WDR43: variants seen among roughly 807,000 people sequenced by gnomAD.
WDR43 encodes WD repeat-containing protein 43.
WDR43 carries 13 observed loss-of-function variants against 91.4 expected under a neutral mutation model. The observed-to-expected ratio is 0.14, with a 90% confidence interval of 0.09 to 0.23. WDR43 has a LOEUF of 0.23. Among genes scored for constraint, WDR43 ranks in the 10% least tolerant of loss-of-function variants. The pLI is 1.00. For missense variants in WDR43, 780 were observed against 809.4 expected (o/e 0.96, Z 0.44); for synonymous variants, 331 against 287.9 (o/e 1.15, Z -1.51).
intron 13 of WDR43, among the ~76,000 whole-genome samples, chr2:28,937,178 A>G (rs184366945): frequency 8.6e-4 from 131 of 152,332 alleles, no homozygotes; most frequent in Non-Finnish European, 1.4e-3. Context: ...GGTCATTTAA[A>G]TGATTAGTCT....
intron 6 of WDR43, among the ~76,000 whole-genome samples, chr2:28,918,611 C>T (rs774736476): frequency 3.3e-5 from 5 of 152,184 alleles, no homozygotes; most frequent in Admixed American, 6.5e-5. Context: ...TCAGGTGATC[C>T]GCCCACCTCA....
At chr2:28,901,877 C>CCCCCCTTTTA in intron 1 of WDR43, 110 bp from the exon 2 acceptor site, 1 of 1,074,352 alleles carries the variant, frequency 9.3e-7, no homozygotes, top group African/African-American at 1.6e-5. Context: ...CTTCTCTCTT[C>CCCCCCTTTTA]CCCCCTTTTA....
At chr2:28,944,526 A>G (rs986715633) in intron 16 of WDR43, among the ~76,000 whole-genome samples, 4 of 152,242 alleles carry the variant, frequency 2.6e-5, no homozygotes, top group African/African-American at 9.6e-5. Flanking sequence ...TGCAGCCTTT[A>G]TAATTAAGAA....
intron 3 of WDR43, among the ~76,000 whole-genome samples, chr2:28,910,421 C>T (rs910740074): frequency 6.6e-6 from 1 of 152,062 alleles, no homozygotes; most frequent in African/African-American, 2.4e-5. Context: ...AGGAAAAGTT[C>T]TCTCGTACAT....
At chr2:28,936,038 A>C (rs1671331980) in intron 12 of WDR43, among the ~76,000 whole-genome samples, 2 of 152,186 alleles carry the variant, frequency 1.3e-5, no homozygotes, top group African/African-American at 4.8e-5. Context: ...TGATTTTCTT[A>C]ATCACAGTTT....
At chr2:28,899,621 C>A (rs1020076378) in intron 1 of WDR43, among the ~76,000 whole-genome samples, 3 of 152,080 alleles carry the variant, frequency 2.0e-5, no homozygotes, top group Admixed American at 2.0e-4. Context: ...TTTTTTTGAT[C>A]ACAGGAATAA....
chr2:28,920,228 T>TTC (rs1553327671), intron 6 of WDR43, among the ~76,000 whole-genome samples: 3 of 106,494 alleles, frequency 2.8e-5, no homozygotes, highest in Non-Finnish European at 7.2e-5. Flanking sequence ...TTCTTTCTTT[T>TTC]TTTTTTTTTT....
At chr2:28,946,207 G>C (rs543774598) in intron 16 of WDR43, among the ~76,000 whole-genome samples, 2 of 151,954 alleles carry the variant, frequency 1.3e-5, no homozygotes, top group African/African-American at 4.8e-5. Context: ...TACTCAGGAG[G>C]CTGAGGCAGG....
intron 3 of WDR43, among the ~76,000 whole-genome samples, chr2:28,910,771 C>T (rs1670782322): frequency 6.6e-6 from 1 of 151,578 alleles, no homozygotes; most frequent in Non-Finnish European, 1.5e-5. Flanking sequence ...TGTCTCAGCT[C>T]ACTGTAAACT....
chr2:28,946,902 C>A lies in WDR43; in HGVS notation c.*123C>A, dbSNP rs1671553339. On this transcript the variant is annotated 3_prime_UTR_variant, in exon 18 of 18. Transcript: ENST00000407426. ...ATTTCCAAATTCACAGCAGTGGATC[C>A]CATGCCACTTTGCTGTCCTGAGCAC... 2.6e-6 allele frequency: 3 copies of A among 1,160,126 alleles called. No homozygotes were observed. The highest frequency in any genetic ancestry group is 3.1e-5 in the African/African-American group (2 of 64,324). 71.9% of individuals were successfully genotyped at this position (1,160,126 alleles called of 1,614,324 possible). A position where few individuals can be genotyped will look rare whatever the true frequency, so the allele number is the denominator to read the frequency against.
intron 13 of WDR43, among the ~76,000 whole-genome samples, chr2:28,937,590 A>T (rs1462738839): frequency 6.6e-6 from 1 of 152,180 alleles, no homozygotes; most frequent in Non-Finnish European, 1.5e-5. Flanking sequence ...TTAACATAAA[A>T]TGCAAAACCA....
chr2:28,909,680 C>T (rs1198255971), intron 3 of WDR43, among the ~76,000 whole-genome samples: 3 of 152,048 alleles, frequency 2.0e-5, no homozygotes, highest in Admixed American at 2.0e-4. Context: ...CGAGACTGTC[C>T]TGGGAAACAT....
Position 28,894,687 on chromosome 2 carries a change from GC to G in WDR43, c.-10del. On this transcript the variant is annotated 5_prime_UTR_variant, in exon 1 of 18. Transcript: ENST00000407426. Reference sequence around the variant, plus strand: ...CGGACGAACACGTGGCTGCAGCGGGGCCAGAGCAGCAATGGCGGCGGGCGGC... The same window carrying G: ...CGGACGAACACGTGGCTGCAGCGGGGCAGAGCAGCAATGGCGGCGGGCGGC... The G allele has an allele frequency of 1.3e-6, 2 of 1,551,698 alleles. No individual in the cohort carries two copies. Among genetic ancestry groups the G allele is most frequent in the Non-Finnish European group, 1.7e-6 (2 of 1,147,708 alleles).
intron 8 of WDR43, 128 bp downstream of exon 8, chr2:28,925,281 T>C (rs1427080934): frequency 3.0e-6 from 3 of 991,552 alleles, no homozygotes; most frequent in Non-Finnish European, 4.1e-6. Flanking sequence ...AAGGATTTCT[T>C]CATGGAGTGG....
At chr2:28,925,992 C>A (rs528678290) in intron 8 of WDR43, among the ~76,000 whole-genome samples, 1 of 152,130 alleles carries the variant, frequency 6.6e-6, no homozygotes, top group African/African-American at 2.4e-5. Flanking sequence ...CTCCCCCGAT[C>A]CTATTTAATA....
At chr2:28,906,618 C>A (rs748745721) in intron 3 of WDR43, 37 bp downstream of exon 3, 14 of 1,595,902 alleles carry the variant, frequency 8.8e-6, no homozygotes, top group South Asian at 1.1e-5. Flanking sequence ...ATGCAATAGA[C>A]GTGGATAAAT....
At chr2:28,942,868 T>G (rs1344620697) in intron 16 of WDR43, among the ~76,000 whole-genome samples, 1 of 152,134 alleles carries the variant, frequency 6.6e-6, no homozygotes, top group Non-Finnish European at 1.5e-5. Context: ...CCCAATGTGC[T>G]TGGATTACAG....
At chr2:28,928,459 A>G in intron 10 of WDR43, among the ~76,000 whole-genome samples, 1 of 152,226 alleles carries the variant, frequency 6.6e-6, no homozygotes, top group East Asian at 1.9e-4. Flanking sequence ...TGACTTTAAA[A>G]ATAAAGCGCC....
In WDR43 at chr2:28,938,308, G is replaced by A. The variant is rs185204916; in HGVS notation, c.1620+314G>A. On this transcript the variant is annotated intron_variant, in intron 14 of 17. Transcript: ENST00000407426. ...AGATTTAGATGTGACACACACACAGGCACGGCAGGTTTTAAATGTTTTTAT... is the reference window on the plus strand; with the variant it reads ...AGATTTAGATGTGACACACACACAGACACGGCAGGTTTTAAATGTTTTTAT... 5.9e-3 allele frequency among the ~76,000 whole-genome samples: 902 copies of A among 152,212 alleles called. 8 individuals carry two copies. The highest frequency in any genetic ancestry group is 0.02 in the African/African-American group (839 of 41,516).
Sources: allele counts gnomAD v4.1 joint callset (sites outside exome capture counted in the v4.1 genomes callset), GRCh38; gene constraint gnomAD v4.1.1; transcripts MANE v1.5; gene names NCBI Gene and HGNC (gene_info 2026-07-23, HGNC 2026-07-21).